TTC6: variants seen among roughly 807,000 people sequenced by gnomAD.
TTC6 encodes tetratricopeptide repeat protein 6.
Under a neutral mutation model 210.4 loss-of-function variants are expected in TTC6, and 172 were observed. The observed-to-expected ratio is 0.82, with a 90% CI of 0.72 to 0.93. The LOEUF (loss-of-function observed/expected upper bound fraction) is 0.93, where lower values mean the gene tolerates loss of function less well. Ranked by LOEUF, TTC6 falls within the 40% of genes least tolerant of loss-of-function variation. The probability of loss-of-function intolerance (pLI) is 0.00; values close to 1 mark genes in which losing one functional copy is unlikely to be tolerated. For synonymous variants in TTC6, 804 were observed against 819.6 expected (o/e 0.98, Z 0.32); for missense variants, 2,414 against 2,318.1 (o/e 1.04, Z -0.85).
At chr14:37,753,346 C>G (rs2139049418) in intron 14 of TTC6, 111 bp downstream of exon 16, 1 of 920,722 alleles carries the variant, frequency 1.1e-6, no homozygotes, top group South Asian at 2.3e-5. Flanking sequence ...AACAATGAAT[C>G]AATTTTCAGT....
chr14:37,809,379 A>C (rs1468359458), intron 24 of TTC6, among the ~76,000 whole-genome samples: 1 of 151,588 alleles, frequency 6.6e-6, no homozygotes, highest in African/African-American at 2.4e-5. Flanking sequence ...CAGCCTCCTA[A>C]GTAGCTGGGA....
chr14:37,692,801 G>A (rs1272404597), intron 3 of TTC6, among the ~76,000 whole-genome samples: 1 of 151,890 alleles, frequency 6.6e-6, no homozygotes, highest in East Asian at 1.9e-4. Context: ...AGAGGTTGCA[G>A]TGAGCTGAGA....
At chr14:37,605,020 A>G (rs2095622523) in intron 1 of TTC6, among the ~76,000 whole-genome samples, 1 of 152,202 alleles carries the variant, frequency 6.6e-6, no homozygotes, top group South Asian at 2.1e-4. Context: ...TGCTGGGCTT[A>G]TGGTGTATGC....
intron 20 of TTC6, among the ~76,000 whole-genome samples, chr14:37,799,998 T>C (rs1342123403): frequency 2.0e-5 from 3 of 152,126 alleles, no homozygotes; most frequent in African/African-American, 7.2e-5. Context: ...AGCATTAAGT[T>C]TGTGGCATTT....
intron 6 of TTC6, among the ~76,000 whole-genome samples, chr14:37,719,574 TA>T (rs748242597): frequency 1.8e-4 from 28 of 152,214 alleles, no homozygotes; most frequent in African/African-American, 6.5e-4. Context: ...TGATTTTTTA[TA>T]AAAATGCAAA....
At chr14:37,753,335 A>T (rs1162048018) in intron 14 of TTC6, 100 bp downstream of exon 16, 2 of 1,031,800 alleles carry the variant, frequency 1.9e-6, no homozygotes, top group African/African-American at 3.2e-5. Flanking sequence ...AGCTCTTTAA[A>T]AACAATGAAT....
intron 1 of TTC6, among the ~76,000 whole-genome samples, chr14:37,652,571 T>C (rs533339512): frequency 1.3e-5 from 2 of 152,336 alleles, no homozygotes; most frequent in African/African-American, 4.8e-5. Context: ...AAAAATCATA[T>C]AGTATGACTA....
chr14:37,795,124 C>A, intron 17 of TTC6, 146 bp from the exon 20 acceptor site: 1 of 455,226 alleles, frequency 2.2e-6, no homozygotes, highest in South Asian at 4.8e-5. Context: ...TCTCTGTATC[C>A]CATTTGCTTT....
At chr14:37,760,737 G>T (rs2095981727) in intron 14 of TTC6, among the ~76,000 whole-genome samples, 2 of 152,172 alleles carry the variant, frequency 1.3e-5, no homozygotes, top group African/African-American at 4.8e-5. Context: ...ATCTAGAGAG[G>T]CAGTCTGGCC....
intron 14 of TTC6, among the ~76,000 whole-genome samples, chr14:37,760,708 C>G (rs1320436527): frequency 6.6e-6 from 1 of 152,162 alleles, no homozygotes; most frequent in Admixed American, 6.5e-5. Context: ...TTCAGAGACA[C>G]CCTGCCCAGT....
exon 25 of TTC6, chr14:37,812,407 C>T: frequency 6.2e-7 from 1 of 1,611,270 alleles, no homozygotes; most frequent in Non-Finnish European, 8.5e-7. Context: ...CTACGTAGAA[C>T]TAGGCCAGTA....
At chr14:37,830,303 G>A (rs533525078) in intron 29 of TTC6, among the ~76,000 whole-genome samples, 1 of 151,928 alleles carries the variant, frequency 6.6e-6, no homozygotes, top group South Asian at 2.1e-4. Flanking sequence ...GTTTTACCAA[G>A]GTATTCCTTA....
chr14:37,716,984 A>C (rs2095853763), intron 6 of TTC6, among the ~76,000 whole-genome samples: 1 of 152,166 alleles, frequency 6.6e-6, no homozygotes, highest in Admixed American at 6.5e-5. Context: ...GTACAGCTAT[A>C]AATAATCTAT....
intron 5 of TTC6, among the ~76,000 whole-genome samples, chr14:37,711,281 C>T (rs1414686158): frequency 1.3e-5 from 2 of 152,130 alleles, no homozygotes; most frequent in African/African-American, 4.8e-5. Context: ...GTAAGTCTCA[C>T]TTTTTCTCCC....
intron 3 of TTC6, 25 bp downstream of exon 5, chr14:37,682,989 C>T (rs1221126941): frequency 6.6e-7 from 1 of 1,526,452 alleles, no homozygotes; most frequent in Admixed American, 2.0e-5. Flanking sequence ...ATGTTGGAAA[C>T]ACCTAAGAGT....
rs1488807935 is a variant in TTC6 at position 37,598,189 on chromosome 14, G to A, written c.-235+2181G>A. On this transcript the variant is annotated intron_variant, in intron 1 of 2. Coordinates refer to the TTC6 transcript ENST00000556845. This position sits in a 1 kb window ranked among gnomAD's most constrained non-coding sequence, Gnocchi z 4.9. ...AACTGTGCTTTGCAAGGATTGTGCT[G>A]CTCGTTGGAGGAAACCAGGCCTGTC... 6.6e-6 allele frequency among the ~76,000 whole-genome samples: 1 copy of A among 152,176 alleles called. No homozygotes were observed. Among genetic ancestry groups the A allele is most frequent in the East Asian group, 1.9e-4 (1 of 5,172 alleles).
intron 12 of TTC6, among the ~76,000 whole-genome samples, chr14:37,750,376 T>C (rs2095948143): frequency 6.6e-6 from 1 of 152,210 alleles, no homozygotes; most frequent in African/African-American, 2.4e-5. Flanking sequence ...TAATAAATGA[T>C]TTTTGACCTG....
chr14:37,726,653 G>T (rs2095873613), intron 7 of TTC6, among the ~76,000 whole-genome samples: 2 of 151,736 alleles, frequency 1.3e-5, no homozygotes, highest in Admixed American at 1.3e-4. Flanking sequence ...TTAATATTCT[G>T]AAATTGATAT....
At chr14:37,631,640 T>A (rs1347396745) in intron 1 of TTC6, among the ~76,000 whole-genome samples, 2 of 152,222 alleles carry the variant, frequency 1.3e-5, no homozygotes, top group Admixed American at 6.5e-5. Context: ...CTGTATTTTA[T>A]GAATTTGAAT....
Sources: gnomAD v4.1 joint callset for allele counts (sites outside exome capture counted in the v4.1 genomes callset) on GRCh38, gnomAD v4.1.1 for gene constraint, Gnocchi (gnomAD v3.1) non-coding constraint, MANE v1.5 for transcripts, NCBI Gene and HGNC (gene_info 2026-07-23, HGNC 2026-07-21) for gene names.